PRKG1: variants seen among roughly 807,000 people sequenced by gnomAD.
PRKG1 encodes protein kinase cGMP-dependent 1.
In PRKG1, 35 loss-of-function variants were observed where a neutral mutation model predicts 88.1. That is an observed-to-expected ratio of 0.40 (90% CI 0.30 to 0.53). The LOEUF (loss-of-function observed/expected upper bound fraction) is 0.53, where lower values mean the gene tolerates loss of function less well. Among genes scored for constraint, PRKG1 ranks in the 20% least tolerant of loss-of-function variants. The probability of loss-of-function intolerance (pLI) is 0.59; values close to 1 mark genes in which losing one functional copy is unlikely to be tolerated. For synonymous variants in PRKG1, 303 were observed against 292.5 expected (o/e 1.04, Z -0.37); for missense variants, 540 against 839.8 (o/e 0.64, Z 4.41).
intron 9 of PRKG1, among the ~76,000 whole-genome samples, chr10:52,239,194 A>G (rs1415914833): frequency 2.1e-4 from 21 of 101,174 alleles, no homozygotes; most frequent in Non-Finnish European, 3.5e-4. Flanking sequence ...GGGGGGAGGG[A>G]TAGCATTGGG....
At chr10:52,019,520 C>T (rs1315212691) in intron 5 of PRKG1, among the ~76,000 whole-genome samples, 1 of 152,044 alleles carries the variant, frequency 6.6e-6, no homozygotes, top group Non-Finnish European at 1.5e-5. Flanking sequence ...GAGGGCACTC[C>T]AGGGCCTGTA....
At chr10:52,079,608 A>G (rs1221425578) in intron 7 of PRKG1, among the ~76,000 whole-genome samples, 1 of 152,112 alleles carries the variant, frequency 6.6e-6, no homozygotes, top group Non-Finnish European at 1.5e-5. Context: ...GGCAAGGTTC[A>G]CTGTTTAACT....
At chr10:51,915,293 T>C (rs1842314745) in intron 5 of PRKG1, among the ~76,000 whole-genome samples, 2 of 152,240 alleles carry the variant, frequency 1.3e-5, no homozygotes, top group South Asian at 4.1e-4. Context: ...AATGGCAACA[T>C]TATTAGTTCT....
intron 1 of PRKG1, among the ~76,000 whole-genome samples, chr10:51,126,637 C>T (rs1295988137): frequency 6.6e-6 from 1 of 151,300 alleles, no homozygotes; most frequent in African/African-American, 2.4e-5. Flanking sequence ...CATTTGGAAC[C>T]CAAAAGAGCC....
chr10:51,535,464 A>G (rs1842121980), intron 3 of PRKG1, among the ~76,000 whole-genome samples: 1 of 152,152 alleles, frequency 6.6e-6, no homozygotes. Flanking sequence ...TAAAGAAGAA[A>G]CCCAATTTAA....
intron 4 of PRKG1, among the ~76,000 whole-genome samples, chr10:51,845,025 A>T (rs1840364250): frequency 6.6e-6 from 1 of 152,054 alleles, no homozygotes; most frequent in Admixed American, 6.6e-5. Flanking sequence ...GTTAATGTAG[A>T]TGTGAAAAAA....
chr10:52,073,076 G>A (rs1265998609), intron 7 of PRKG1, among the ~76,000 whole-genome samples: 1 of 152,174 alleles, frequency 6.6e-6, no homozygotes, highest in Admixed American at 6.5e-5. Flanking sequence ...CTAGCTTTTG[G>A]TGGTTCCCAG....
At chr10:51,444,472 C>T (rs79051734) in intron 2 of PRKG1, among the ~76,000 whole-genome samples, 6 of 151,926 alleles carry the variant, frequency 3.9e-5, no homozygotes, top group Non-Finnish European at 8.8e-5. Flanking sequence ...TTTAAAGCTA[C>T]AATCAAGTAA....
rs1564633245 is a variant in PRKG1, at chr10:51,752,730, T to C, written c.593-51855T>C. Among the ~76,000 whole-genome samples, 2 of 152,170 alleles carry C rather than the reference T, an allele frequency of 1.3e-5. 1 individual carries two copies. Among genetic ancestry groups the C allele is most frequent in the East Asian group, 3.8e-4 (2 of 5,200 alleles). On this transcript the variant is annotated intron_variant, in intron 3 of 17. Transcript: ENST00000373980. ...GAAGGAGGGGTTCGAAATGGAAGAA[T>C]ATTGTTCCTTTAAAAGTTAAAAGTC...
chr10:51,213,062 A>G (rs1356113924), intron 2 of PRKG1, among the ~76,000 whole-genome samples: 2 of 152,222 alleles, frequency 1.3e-5, no homozygotes, highest in Non-Finnish European at 2.9e-5. Context: ...CTTGGAACCA[A>G]GCCAAATGTC....
chr10:52,147,152 C>T lies in PRKG1; in HGVS notation c.1001+13247C>T, dbSNP rs189745010. The stretch of plus-strand genomic sequence containing the variant: ...AGTAGAAATGAGCTCAAATAAACTT[C>T]CTCTGAAATGTCAAAAGTAAATAGT... On this transcript the variant is annotated intron_variant, in intron 8 of 17. Coordinates refer to ENST00000373980, the MANE Select transcript of PRKG1 (RefSeq NM_006258.4). Among the ~76,000 whole-genome samples, 473 of 152,192 alleles carry T rather than the reference C, an allele frequency of 3.1e-3. 1 individual carries two copies. Among genetic ancestry groups the T allele is most frequent in the African/African-American group, 0.011 (459 of 41,528 alleles).
chr10:51,566,132 AT>A (rs1837597257), intron 3 of PRKG1, among the ~76,000 whole-genome samples: 2 of 152,242 alleles, frequency 1.3e-5, no homozygotes, highest in South Asian at 4.1e-4. Flanking sequence ...AGAAAATATA[AT>A]GTTTGAGTCC....
intron 1 of PRKG1, among the ~76,000 whole-genome samples, chr10:51,045,920 AG>A (rs764200251): frequency 3.3e-5 from 5 of 152,336 alleles, no homozygotes; most frequent in Non-Finnish European, 7.3e-5. Flanking sequence ...TTCACATTTA[AG>A]GCTAGAATGA....
intron 1 of PRKG1, among the ~76,000 whole-genome samples, chr10:51,023,299 A>G (rs1843163880): frequency 6.6e-6 from 1 of 152,212 alleles, no homozygotes; most frequent in African/African-American, 2.4e-5. Flanking sequence ...ATTGTTTACT[A>G]AATAAAGAGC....
At chr10:51,117,252 T>C (rs1436304334) in intron 1 of PRKG1, among the ~76,000 whole-genome samples, 1 of 152,194 alleles carries the variant, frequency 6.6e-6, no homozygotes, top group African/African-American at 2.4e-5. Flanking sequence ...GCTTTTGCCA[T>C]GGGTCCCATA....
intron 3 of PRKG1, among the ~76,000 whole-genome samples, chr10:51,651,726 G>A (rs959344449): frequency 1.3e-5 from 2 of 151,930 alleles, no homozygotes; most frequent in Non-Finnish European, 2.9e-5. Flanking sequence ...TGGGACTACA[G>A]GTGCACGTCA....
chr10:52,213,219 G>GA (rs1342588511), intron 9 of PRKG1, among the ~76,000 whole-genome samples: 2 of 151,804 alleles, frequency 1.3e-5, no homozygotes, highest in Non-Finnish European at 2.9e-5. Flanking sequence ...AGGAAAAAAT[G>GA]AAAAAAAGAA....
At chr10:51,725,957 C>T (rs531601956) in intron 3 of PRKG1, among the ~76,000 whole-genome samples, 45 of 152,250 alleles carry the variant, frequency 3.0e-4, no homozygotes, top group African/African-American at 9.6e-4. Context: ...TCAAAAAGAG[C>T]AGCACCACTA....
intron 14 of PRKG1, among the ~76,000 whole-genome samples, chr10:52,284,857 G>C (rs1410986149): frequency 2.6e-5 from 4 of 152,094 alleles, no homozygotes; most frequent in African/African-American, 9.7e-5. Context: ...AGTGAAAAGG[G>C]GGAGAGAGGC....
Sources: gnomAD v4.1 joint callset for allele counts (sites outside exome capture counted in the v4.1 genomes callset) on GRCh38, gnomAD v4.1.1 for gene constraint, MANE v1.5 for transcripts, NCBI Gene and HGNC (gene_info 2026-07-23, HGNC 2026-07-21) for gene names.